The following MAN1C1 variants were observed in gnomAD, a reference collection of about 807,000 sequenced individuals.
MAN1C1 encodes the protein mannosyl-oligosaccharide 1,2-alpha-mannosidase IC.
Under a neutral mutation model 71.5 loss-of-function variants are expected in MAN1C1, and 49 were observed. The observed-to-expected ratio is 0.69, with a 90% CI of 0.54 to 0.87. The LOEUF is 0.87. Ranked by LOEUF, MAN1C1 falls within the 40% of genes least tolerant of loss-of-function variation. The pLI is 0.00. For synonymous variants in MAN1C1, 352 were observed against 343.7 expected (o/e 1.02, Z -0.27); for missense variants, 743 against 835.0 (o/e 0.89, Z 1.36).
intron 4 of MAN1C1, among the ~76,000 whole-genome samples, chr1:25,752,416 T>A (rs1036178390): frequency 1.3e-5 from 2 of 152,132 alleles, no homozygotes; most frequent in African/African-American, 2.4e-5. Context: ...ATCCACCTGC[T>A]TCGGCCTCCC....
chr1:25,670,482 G>A (rs1257100331), intron 1 of MAN1C1, among the ~76,000 whole-genome samples: 1 of 152,214 alleles, frequency 6.6e-6, no homozygotes, highest in Non-Finnish European at 1.5e-5. Context: ...ATTCCTTCTA[G>A]CAGACTGAGC....
Position 25,748,718 on chromosome 1 carries a change from C to T in MAN1C1, c.754-537C>T, listed in dbSNP as rs751194545. ...AAGGCAAGTGTGGGCATGCCCTGTGCGCTCCGAGCTGAGGGCCCAAGAAAC... is the reference window on the plus strand; with the variant it reads ...AAGGCAAGTGTGGGCATGCCCTGTGTGCTCCGAGCTGAGGGCCCAAGAAAC... On this transcript the variant is annotated intron_variant, in intron 3 of 11. Transcript: ENST00000374332. 1.1e-4 allele frequency among the ~76,000 whole-genome samples: 16 copies of T among 152,346 alleles called. No homozygotes were observed. The South Asian group carries it at 1.4e-3, about 14-fold the overall frequency.
In MAN1C1 at chr1:25,782,345, G is replaced by A. The variant is rs902865768; in HGVS notation, c.1651-240G>A. ...GAGCTCAGGACAGGCAGCCCATCGG[G>A]CCAGAGCTCTCAGAGGTGTGGGTGG... On this transcript the variant is annotated intron_variant, in intron 10 of 11. Coordinates refer to ENST00000374332, the MANE Select transcript of MAN1C1 (RefSeq NM_020379.4). This position sits in a 1 kb window ranked among gnomAD's most constrained non-coding sequence, Gnocchi z 4.4. Among the ~76,000 whole-genome samples the A allele has an allele frequency of 6.6e-6, 1 of 151,890 alleles. No individual in the cohort carries two copies. Among genetic ancestry groups the A allele is most frequent in the East Asian group, 2.0e-4 (1 of 5,126 alleles).
chr1:25,752,817 T>C (rs901428215), intron 4 of MAN1C1, among the ~76,000 whole-genome samples: 1 of 152,094 alleles, frequency 6.6e-6, no homozygotes, highest in Non-Finnish European at 1.5e-5. Context: ...CTCCCTTCAT[T>C]CCCCATTTGT....
intron 1 of MAN1C1, among the ~76,000 whole-genome samples, chr1:25,663,060 C>T (rs955953703): frequency 2.3e-4 from 35 of 150,476 alleles, no homozygotes; most frequent in Non-Finnish European, 4.1e-4. Context: ...CACTGCACTC[C>T]AGCCTGGTCA....
chr1:25,723,452 C>T (rs972773866), intron 2 of MAN1C1, among the ~76,000 whole-genome samples: 54 of 152,366 alleles, frequency 3.5e-4, no homozygotes, highest in African/African-American at 1.1e-3. Flanking sequence ...CTTGCATCAT[C>T]ATGGCTTAGG....
intron 5 of MAN1C1, among the ~76,000 whole-genome samples, chr1:25,756,997 T>C (rs1353017870): frequency 6.6e-6 from 1 of 152,046 alleles, no homozygotes; most frequent in East Asian, 1.9e-4. Flanking sequence ...TGTCTCTATA[T>C]GTGTTGAGGT....
At chr1:25,660,298 G>T (rs2045827030) in intron 1 of MAN1C1, among the ~76,000 whole-genome samples, 1 of 151,992 alleles carries the variant, frequency 6.6e-6, no homozygotes, top group South Asian at 2.1e-4. Context: ...CTACTCGTGA[G>T]GCTGAAGCAG....
At chr1:25,635,597 G>A (rs188883926) in intron 1 of MAN1C1, among the ~76,000 whole-genome samples, 1 of 152,044 alleles carries the variant, frequency 6.6e-6, no homozygotes, top group East Asian at 1.9e-4. Context: ...TTACAGGCAT[G>A]TGCCACCACG....
intron 8 of MAN1C1, 173 bp downstream of exon 8, chr1:25,771,945 T>G (rs960061069): frequency 1.3e-5 from 8 of 602,278 alleles, no homozygotes; most frequent in Non-Finnish European, 1.8e-5. Flanking sequence ...CCAGGCATTT[T>G]ACACCCTGCG....
chr1:25,619,458 CG>C (rs1236307847), intron 1 of MAN1C1, among the ~76,000 whole-genome samples: 1 of 152,222 alleles, frequency 6.6e-6, no homozygotes, highest in East Asian at 1.9e-4. Flanking sequence ...TGCTCAGAGC[CG>C]ATGGAGGGCT....
chr1:25,753,967 A>G lies in MAN1C1; in HGVS notation c.929+389A>G, dbSNP rs150759141. Among the ~76,000 whole-genome samples, 105 of 150,480 alleles carry G rather than the reference A, an allele frequency of 7.0e-4. No individual in the cohort carries two copies. Among genetic ancestry groups the G allele is most frequent in the African/African-American group, 2.4e-3 (99 of 40,910 alleles). On this transcript the variant is annotated intron_variant, in intron 5 of 11. Coordinates refer to ENST00000374332, the MANE Select transcript of MAN1C1 (RefSeq NM_020379.4). This position sits in a 1 kb window ranked among gnomAD's most constrained non-coding sequence, Gnocchi z 4.9. ...AGAGTCTTCCACAATGGCCCCAAAC[A>G]CTCTCTTCCCCCGCTGGGGTTCCGG...
At chr1:25,734,656 G>A (rs533341935) in intron 2 of MAN1C1, among the ~76,000 whole-genome samples, 1 of 152,300 alleles carries the variant, frequency 6.6e-6, no homozygotes, top group Admixed American at 6.5e-5. Context: ...TCTGGCCAGG[G>A]CACTGGCTGT....
chr1:25,618,781 C>G (rs779967791), intron 1 of MAN1C1, among the ~76,000 whole-genome samples: 1 of 152,054 alleles, frequency 6.6e-6, no homozygotes, highest in Non-Finnish European at 1.5e-5. Flanking sequence ...GTCCAAAACC[C>G]CTATAGGACC....
chr1:25,737,218 G>C (rs1572184309), intron 2 of MAN1C1, among the ~76,000 whole-genome samples: 1 of 152,234 alleles, frequency 6.6e-6, no homozygotes, highest in South Asian at 2.1e-4. Flanking sequence ...ATGAGGAGCT[G>C]TGTCCAGCAG....
At chr1:25,633,128 G>C (rs541571234) in intron 1 of MAN1C1, among the ~76,000 whole-genome samples, 3 of 152,250 alleles carry the variant, frequency 2.0e-5, no homozygotes, top group African/African-American at 7.2e-5. Flanking sequence ...GTCTCCCAAA[G>C]TGCTGGAATT....
At chr1:25,625,531 G>C (rs977786676) in intron 1 of MAN1C1, among the ~76,000 whole-genome samples, 1 of 152,154 alleles carries the variant, frequency 6.6e-6, no homozygotes, top group Non-Finnish European at 1.5e-5. Context: ...AAATGGAGTA[G>C]TAAGCCAGGT....
At chr1:25,780,906 C>G in intron 9 of MAN1C1, 34 bp from the exon 10 acceptor site, 2 of 1,604,176 alleles carry the variant, frequency 1.2e-6, no homozygotes, top group Non-Finnish European at 1.7e-6. Flanking sequence ...GGTGGGAGGT[C>G]TGACCTGGGC....
At chr1:25,680,696 C>G (rs1212966458) in intron 1 of MAN1C1, among the ~76,000 whole-genome samples, 1 of 152,222 alleles carries the variant, frequency 6.6e-6, no homozygotes, top group Admixed American at 6.5e-5. Flanking sequence ...ATACCACATT[C>G]TGTTGATCCA....
Sources: gnomAD v4.1 joint callset for allele counts (sites outside exome capture counted in the v4.1 genomes callset) on GRCh38, gnomAD v4.1.1 for gene constraint, Gnocchi (gnomAD v3.1) non-coding constraint, MANE v1.5 for transcripts, NCBI Gene and HGNC (gene_info 2026-07-23, HGNC 2026-07-21) for gene names.